The following CNTNAP5 variants were observed in gnomAD, a reference collection of about 807,000 sequenced individuals.
The protein encoded by CNTNAP5 is contactin-associated protein-like 5.
A neutral mutation model predicts 150.2 loss-of-function variants in CNTNAP5; 72 were observed. That is an observed-to-expected ratio of 0.48 (90% confidence interval 0.40 to 0.58). CNTNAP5 has a LOEUF of 0.58. Ranked by LOEUF, CNTNAP5 falls within the 20% of genes least tolerant of loss-of-function variation. The pLI, the probability that CNTNAP5 is intolerant of heterozygous loss-of-function variation, is 0.00. For synonymous variants in CNTNAP5, 672 were observed against 619.8 expected (o/e 1.08, Z -1.25); for missense variants, 1,636 against 1,626.2 (o/e 1.01, Z -0.10).
intron 11 of CNTNAP5, among the ~76,000 whole-genome samples, chr2:124,572,200 G>T (rs987489016): frequency 6.6e-6 from 1 of 152,076 alleles, no homozygotes; most frequent in African/African-American, 2.4e-5. Context: ...GAGTGCACAG[G>T]ACTGCCTGTA....
rs140586342 is a variant in CNTNAP5, at chr2:124,159,979, T to A, written c.83-61726T>A. ...ATATTCCTGTTTTTTACAGATATTG[T>A]TTATCCTTACACATAGCCTATGACA... On this transcript the variant is annotated intron_variant, in intron 1 of 23. Coordinates refer to ENST00000682447, the MANE Select transcript of CNTNAP5 (RefSeq NM_001367498.1). 4.3e-4 allele frequency among the ~76,000 whole-genome samples: 65 copies of A among 152,302 alleles called. No homozygotes were observed. In the East Asian group the frequency reaches 0.012, roughly 29 times the overall value.
At chr2:124,731,176 G>T (rs1405494492) in intron 13 of CNTNAP5, among the ~76,000 whole-genome samples, 3 of 152,062 alleles carry the variant, frequency 2.0e-5, no homozygotes, top group Non-Finnish European at 4.4e-5. Context: ...AGACATACAT[G>T]AATAGAGAAT....
At chr2:124,872,818 C>T (rs574290445) in intron 21 of CNTNAP5, among the ~76,000 whole-genome samples, 128 of 152,002 alleles carry the variant, frequency 8.4e-4, no homozygotes, top group Non-Finnish European at 1.6e-3. Context: ...AAAAAATCCT[C>T]ATTAAATCTT....
At chr2:124,810,246 G>A (rs1682178667) in intron 19 of CNTNAP5, among the ~76,000 whole-genome samples, 1 of 152,118 alleles carries the variant, frequency 6.6e-6, no homozygotes, top group South Asian at 2.1e-4. Flanking sequence ...AGGAATCTCA[G>A]CCTGGTTTAA....
intron 1 of CNTNAP5, 85 bp from the exon 2 acceptor site, chr2:124,221,620 A>G: frequency 1.2e-6 from 1 of 860,166 alleles, no homozygotes; most frequent in Admixed American, 2.1e-5. Context: ...AAATGATGGT[A>G]GTTAATTTCT....
chr2:124,132,242 A>T (rs58814530), intron 1 of CNTNAP5, among the ~76,000 whole-genome samples: 1,528 of 152,260 alleles, frequency 0.01, 26 homozygotes, highest in African/African-American at 0.035. Flanking sequence ...TGCTGAGTAT[A>T]AGAATACACA....
At chr2:124,786,274 A>G (rs892680756) in intron 17 of CNTNAP5, among the ~76,000 whole-genome samples, 1 of 150,446 alleles carries the variant, frequency 6.6e-6, no homozygotes, top group Non-Finnish European at 1.5e-5. Context: ...AAAATAAAAC[A>G]AATAGGCAGG....
intron 3 of CNTNAP5, among the ~76,000 whole-genome samples, chr2:124,321,289 C>CA (rs1689092959): frequency 6.6e-6 from 1 of 151,828 alleles, no homozygotes; most frequent in African/African-American, 2.4e-5. Context: ...ACTAAAAATA[C>CA]AAAATTAGTC....
intron 1 of CNTNAP5, among the ~76,000 whole-genome samples, chr2:124,037,737 C>A (rs528923469): frequency 6.6e-6 from 1 of 151,964 alleles, no homozygotes; most frequent in African/African-American, 2.4e-5. Context: ...CTTAGAAAGG[C>A]GGAATAAGTT....
intron 13 of CNTNAP5, among the ~76,000 whole-genome samples, chr2:124,706,967 A>G (rs534959625): frequency 1.1e-4 from 15 of 134,190 alleles, no homozygotes; most frequent in East Asian, 2.3e-4. Context: ...GGAGGAGGAG[A>G]AGAGGAAGAG....
In CNTNAP5 at chr2:124,420,620, A is replaced by G. The variant is rs574206102; in HGVS notation, c.529+3030A>G. Among the ~76,000 whole-genome samples the G allele has an allele frequency of 8.5e-5, 13 of 152,224 alleles. No homozygotes were observed. The South Asian group carries it at 2.7e-3, about 32-fold the overall frequency. On this transcript the variant is annotated intron_variant, in intron 4 of 23. Coordinates refer to ENST00000682447, the MANE Select transcript of CNTNAP5 (RefSeq NM_001367498.1). ...TCTACAATCATTTGACTTTAAGTAA[A>G]GGAGATTATCCTAAGTAATCTGAAT...
intron 1 of CNTNAP5, among the ~76,000 whole-genome samples, chr2:124,139,040 A>G (rs2104613383): frequency 6.6e-6 from 1 of 151,742 alleles, no homozygotes; most frequent in Admixed American, 6.6e-5. Context: ...CTTCCACCAC[A>G]TCCCTGCAGC....
chr2:124,816,768 G>T (rs945127029), intron 19 of CNTNAP5, among the ~76,000 whole-genome samples: 1 of 152,110 alleles, frequency 6.6e-6, no homozygotes, highest in African/African-American at 2.4e-5. Context: ...ATGAGCCACC[G>T]TGCATGGCTG....
At chr2:124,283,859 C>T (rs1242782192) in intron 3 of CNTNAP5, among the ~76,000 whole-genome samples, 1 of 152,146 alleles carries the variant, frequency 6.6e-6, no homozygotes. Flanking sequence ...GGGCACTAAT[C>T]TCATTTATGA....
chr2:124,635,456 G>A (rs1327032224), intron 12 of CNTNAP5, among the ~76,000 whole-genome samples: 1 of 152,152 alleles, frequency 6.6e-6, no homozygotes, highest in Non-Finnish European at 1.5e-5. Context: ...ATGGGGCTAG[G>A]CAAAGAAGGG....
intron 11 of CNTNAP5, among the ~76,000 whole-genome samples, chr2:124,565,661 G>A (rs1188185329): frequency 4.1e-5 from 5 of 123,054 alleles, no homozygotes; most frequent in African/African-American, 1.2e-4. Context: ...GTGCAGTGGC[G>A]CGATCTCGGC....
At chr2:124,122,586 A>T (rs1304809000) in intron 1 of CNTNAP5, among the ~76,000 whole-genome samples, 1 of 152,170 alleles carries the variant, frequency 6.6e-6, no homozygotes, top group Non-Finnish European at 1.5e-5. Flanking sequence ...TCCACACTTT[A>T]CAATTTCTAG....
intron 3 of CNTNAP5, among the ~76,000 whole-genome samples, chr2:124,336,814 G>C (rs988935907): frequency 1.3e-5 from 2 of 152,036 alleles, no homozygotes; most frequent in African/African-American, 4.8e-5. Flanking sequence ...TTGCTATTGT[G>C]AATAGTGCCG....
chr2:124,562,633 A>G (rs1036987133), intron 10 of CNTNAP5, among the ~76,000 whole-genome samples: 2 of 152,158 alleles, frequency 1.3e-5, no homozygotes, highest in African/African-American at 4.8e-5. Flanking sequence ...TAGCCATGTT[A>G]TTTTGACCTT....
Sources: allele counts gnomAD v4.1 joint callset (sites outside exome capture counted in the v4.1 genomes callset), GRCh38; gene constraint gnomAD v4.1.1; transcripts MANE v1.5; gene names NCBI Gene and HGNC (gene_info 2026-07-23, HGNC 2026-07-21).